EPB41L4A: variants seen among roughly 807,000 people sequenced by gnomAD.
EPB41L4A encodes the protein band 4.1-like protein 4A.
In EPB41L4A, 100 loss-of-function variants were observed where a neutral mutation model predicts 108.6. The observed-to-expected ratio is 0.92, with a 90% CI of 0.78 to 1.09. EPB41L4A has a LOEUF of 1.09. EPB41L4A is among the 50% of genes least tolerant of loss of function. The pLI, the probability that EPB41L4A is intolerant of heterozygous loss-of-function variation, is 0.00. For missense variants in EPB41L4A, 1,030 were observed against 842.7 expected (o/e 1.22, Z -2.75); for synonymous variants, 319 against 289.0 (o/e 1.10, Z -1.05).
chr5:112,153,810 C>T (rs928027400), intron 12 of EPB41L4A, among the ~76,000 whole-genome samples: 1 of 151,026 alleles, frequency 6.6e-6, no homozygotes, highest in African/African-American at 2.4e-5. Context: ...AAGTAACCAC[C>T]TATTATGACC....
At chr5:112,359,805 G>C (rs2150755302) in intron 1 of EPB41L4A, among the ~76,000 whole-genome samples, 1 of 152,290 alleles carries the variant, frequency 6.6e-6, no homozygotes, top group African/African-American at 2.4e-5. Flanking sequence ...CTCCCAAAGT[G>C]CTGGGATTAC....
chr5:112,368,785 C>G (rs1019335049), intron 1 of EPB41L4A, among the ~76,000 whole-genome samples: 53 of 152,272 alleles, frequency 3.5e-4, no homozygotes, highest in African/African-American at 1.2e-3. Flanking sequence ...AGCTCTCTCA[C>G]CTTTCCTGCT....
chr5:112,215,762 C>CAAAAA (rs374126290), intron 12 of EPB41L4A, among the ~76,000 whole-genome samples: 10 of 101,348 alleles, frequency 9.9e-5, no homozygotes, highest in African/African-American at 1.2e-4. Flanking sequence ...GACTCCATCT[C>CAAAAA]AAAAAAAAAA....
intron 1 of EPB41L4A, among the ~76,000 whole-genome samples, chr5:112,332,597 C>A (rs1276797773): frequency 6.6e-6 from 1 of 152,128 alleles, no homozygotes; most frequent in Non-Finnish European, 1.5e-5. Context: ...TTTTTCATCC[C>A]TGATTTTCTT....
downstream of EPB41L4A, chr5:112,160,858 G>T (rs184311900): frequency 1.5e-4 from 23 of 156,380 alleles, no homozygotes; most frequent in Admixed American, 1.4e-3. Context: ...TGGGACGGAA[G>T]CCTGTCCTTT....
At chr5:112,147,964 A>C (rs745927153) in intron 12 of EPB41L4A, among the ~76,000 whole-genome samples, 24 of 150,996 alleles carry the variant, frequency 1.6e-4, no homozygotes, top group Non-Finnish European at 2.7e-4. Flanking sequence ...GCATGAACCC[A>C]GGAGGTGGAG....
chr5:112,226,983 A>AG (rs1470263886), intron 12 of EPB41L4A, among the ~76,000 whole-genome samples: 1 of 64,256 alleles, frequency 1.6e-5, no homozygotes, highest in African/African-American at 3.6e-5. Flanking sequence ...ACCACAATGA[A>AG]AAAAAAAAAA....
intron 18 of EPB41L4A, among the ~76,000 whole-genome samples, chr5:112,180,796 C>T (rs990894855): frequency 6.6e-6 from 1 of 152,078 alleles, no homozygotes; most frequent in Admixed American, 6.5e-5. Flanking sequence ...AGTATTCATT[C>T]ATAACGTGCA....
intron 5 of EPB41L4A, 34 bp downstream of exon 5, chr5:112,266,199 A>C (rs1751842130): frequency 1.4e-6 from 2 of 1,466,902 alleles, no homozygotes; most frequent in Middle Eastern, 1.8e-4. Context: ...TTCTCCAGAC[A>C]TTTCTGAGGC....
At position 112,348,318 on chromosome 5, in the gene EPB41L4A, AG is replaced by A. The variant is rs547587834; in HGVS notation, c.100-40829del. ...TGCAGTATATATGATTTTTCCTAGT[AG>A]CCTATAAACCTCTCAAAAGCCATGG... On this transcript the variant is annotated intron_variant, in intron 1 of 22. Transcript: ENST00000261486. Among the ~76,000 whole-genome samples, 377 of 152,302 alleles carry A rather than the reference AG, an allele frequency of 2.5e-3. 1 individual carries two copies. The highest frequency in any genetic ancestry group is 4.4e-3 in the Non-Finnish European group (297 of 68,014).
At chr5:112,419,306 C>T, upstream of EPB41L4A, 1 of 353,640 alleles carries the variant, frequency 2.8e-6, no homozygotes, top group Non-Finnish European at 5.1e-6. Context: ...CGCGTCCCCG[C>T]GCATCCTGCG....
At position 112,308,729 on chromosome 5, in the gene EPB41L4A, T is replaced by TA. The variant is rs558718625; in HGVS notation, c.100-1240dup. 3.7e-4 allele frequency among the ~76,000 whole-genome samples: 56 copies of TA among 152,172 alleles called. No homozygotes were observed. In the South Asian group the frequency reaches 0.012, roughly 32 times the overall value. ...CATGTACCCATGTATTTCTCAGAGG[T>TA]AAAAATCTTGAAGTGAAATTACTCA... On this transcript the variant is annotated intron_variant, in intron 1 of 22. Transcript: ENST00000261486.
Position 112,397,097 on chromosome 5 carries a change from C to G in EPB41L4A, c.99+21844G>C, listed in dbSNP as rs1456920456. On this transcript the variant is annotated intron_variant, in intron 1 of 22. Coordinates refer to ENST00000261486, the MANE Select transcript of EPB41L4A (RefSeq NM_022140.5). The stretch of plus-strand genomic sequence containing the variant: ...GGCCTCACCCCCTTTCTACGCTTCC[C>G]TCTTTTGGAGTCCCCAGTGTCTGTT... Among the ~76,000 whole-genome samples, 8 of 152,132 alleles carry G rather than the reference C, an allele frequency of 5.3e-5. No homozygotes were observed. The East Asian group carries it at 1.5e-3, about 29-fold the overall frequency.
chr5:112,194,782 C>A, intron 16 of EPB41L4A, 137 bp from the exon 17 acceptor site: 1 of 540,010 alleles, frequency 1.9e-6, no homozygotes, highest in East Asian at 3.3e-5. Flanking sequence ...GCTGTATTAT[C>A]CCTCTCCAAG....
At chr5:112,400,235 G>T (rs983027761) in intron 1 of EPB41L4A, among the ~76,000 whole-genome samples, 1 of 151,970 alleles carries the variant, frequency 6.6e-6, no homozygotes, top group African/African-American at 2.4e-5. Context: ...CAGATCTCAT[G>T]AGAACTCACT....
At chr5:112,385,452 C>A (rs1045556852) in intron 1 of EPB41L4A, among the ~76,000 whole-genome samples, 1 of 150,998 alleles carries the variant, frequency 6.6e-6, no homozygotes, top group Non-Finnish European at 1.5e-5. Flanking sequence ...AAAAGCCAAT[C>A]CAGAGTCCTA....
At chr5:112,148,637 C>T (rs1265764150) in intron 12 of EPB41L4A, among the ~76,000 whole-genome samples, 1 of 152,038 alleles carries the variant, frequency 6.6e-6, no homozygotes, top group African/African-American at 2.4e-5. Context: ...CAGTTTCTTG[C>T]CACCTCTGAG....
Position 112,372,284 on chromosome 5 carries a change from A to G in EPB41L4A, c.99+46657T>C, listed in dbSNP as rs182212443. ...CCAGCAGGGGAAATGCCAGATGCTT[A>G]TAAAACCATCAGATTTCATGAAAAC... On this transcript the variant is annotated intron_variant, in intron 1 of 22. Coordinates refer to ENST00000261486, the MANE Select transcript of EPB41L4A (RefSeq NM_022140.5). Among the ~76,000 whole-genome samples, 7 of 152,332 alleles carry G rather than the reference A, an allele frequency of 4.6e-5. No individual in the cohort carries two copies. The East Asian group carries it at 1.4e-3, about 29-fold the overall frequency.
chr5:112,360,472 G>A (rs1348004394), intron 1 of EPB41L4A, among the ~76,000 whole-genome samples: 2 of 152,156 alleles, frequency 1.3e-5, no homozygotes, highest in African/African-American at 2.4e-5. Flanking sequence ...ACGGGGTTTC[G>A]CCATGTTGGC....
Sources: gnomAD v4.1 joint callset for allele counts (sites outside exome capture counted in the v4.1 genomes callset) on GRCh38, gnomAD v4.1.1 for gene constraint, MANE v1.5 for transcripts, NCBI Gene and HGNC (gene_info 2026-07-23, HGNC 2026-07-21) for gene names.